The following SEC24D variants were observed in gnomAD, a reference collection of about 807,000 sequenced individuals.
The protein encoded by SEC24D is SEC24 homolog D, COPII component.
Under a neutral mutation model 116.9 loss-of-function variants are expected in SEC24D, and 69 were observed. That is an observed-to-expected ratio of 0.59 (90% confidence interval 0.49 to 0.72). SEC24D has a LOEUF of 0.72. SEC24D is among the 30% of genes least tolerant of loss of function. SEC24D has a pLI of 0.00. For synonymous variants in SEC24D, 405 were observed against 442.8 expected (o/e 0.91, Z 1.07); for missense variants, 1,131 against 1,264.1 (o/e 0.89, Z 1.60).
In SEC24D at chr4:118,780,033, T is replaced by C. The variant is rs189726523; in HGVS notation, c.1042-11722A>G. Reference sequence around the variant, plus strand: ...TCTTGCTAGCGGTCTATCAATTTTGTTGATCTTTTCAAAAAACCAGCTCCT... The same window carrying C: ...TCTTGCTAGCGGTCTATCAATTTTGCTGATCTTTTCAAAAAACCAGCTCCT... On this transcript the variant is annotated intron_variant, in intron 8 of 22. Coordinates refer to ENST00000280551, the MANE Select transcript of SEC24D (RefSeq NM_014822.4). Among the ~76,000 whole-genome samples, 257 of 152,306 alleles carry C rather than the reference T, an allele frequency of 1.7e-3. 1 individual carries two copies. The highest frequency in any genetic ancestry group is 1.8e-3 in the African/African-American group (75 of 41,574).
At chr4:118,745,146 C>G (rs1324939919) in intron 13 of SEC24D, 86 bp from the exon 14 acceptor site, 1 of 763,756 alleles carries the variant, frequency 1.3e-6, no homozygotes, top group Admixed American at 2.3e-5. Flanking sequence ...AATATAAGTT[C>G]TTTCTATGAG....
At chr4:118,790,230 T>A (rs1363625450) in intron 8 of SEC24D, among the ~76,000 whole-genome samples, 2 of 152,234 alleles carry the variant, frequency 1.3e-5, no homozygotes, top group Admixed American at 6.5e-5. Flanking sequence ...TATCCATTTA[T>A]AACTGAAAAA....
intron 8 of SEC24D, among the ~76,000 whole-genome samples, chr4:118,774,047 CTATATT>C (rs1453798297): frequency 4.6e-5 from 7 of 151,768 alleles, no homozygotes; most frequent in Non-Finnish European, 7.4e-5. Flanking sequence ...AGTTCTAAGA[CTATATT>C]TATATTTTTA....
At chr4:118,753,269 A>G (rs937476877) in intron 11 of SEC24D, among the ~76,000 whole-genome samples, 3 of 152,170 alleles carry the variant, frequency 2.0e-5, no homozygotes, top group Non-Finnish European at 4.4e-5. Context: ...TCAGAAGAAC[A>G]AATGGAATAT....
At chr4:118,750,546 A>C (rs548149417) in intron 13 of SEC24D, among the ~76,000 whole-genome samples, 1 of 152,344 alleles carries the variant, frequency 6.6e-6, no homozygotes, top group South Asian at 2.1e-4. Flanking sequence ...AAATCCATGA[A>C]TGTAATATTA....
intron 22 of SEC24D, among the ~76,000 whole-genome samples, chr4:118,726,717 C>G (rs1468351031): frequency 5.9e-5 from 9 of 152,142 alleles, no homozygotes; most frequent in Admixed American, 5.9e-4. Context: ...CAGGGCAGGA[C>G]TAGAATTTCT....
At position 118,723,662 on chromosome 4, in the gene SEC24D, A is replaced by G. The variant is rs1725260816; in HGVS notation, c.2959-7T>C. On this transcript the variant is annotated splice_polypyrimidine_tract_variant and splice_region_variant and intron_variant, in intron 22 of 22. Coordinates refer to ENST00000280551, the MANE Select transcript of SEC24D (RefSeq NM_014822.4). ...GCTGCTTTACAATTGTGAGCTAGGAAAAAAAAAACAAAACAGTAACAGCCC... is the reference window on the plus strand; with the variant it reads ...GCTGCTTTACAATTGTGAGCTAGGAGAAAAAAAACAAAACAGTAACAGCCC... The G allele has an allele frequency of 6.3e-7, 1 of 1,592,908 alleles. No individual in the cohort carries two copies. The highest frequency in any genetic ancestry group is 1.4e-5 in the African/African-American group (1 of 73,190).
At chr4:118,773,647 C>T (rs1053703430) in intron 8 of SEC24D, among the ~76,000 whole-genome samples, 2 of 152,212 alleles carry the variant, frequency 1.3e-5, no homozygotes, top group African/African-American at 2.4e-5. Context: ...AAATGTTAAA[C>T]ATTCAGACTA....
intron 2 of SEC24D, among the ~76,000 whole-genome samples, chr4:118,832,217 A>AGAGGTT (rs1730890807): frequency 1.3e-5 from 2 of 152,316 alleles, no homozygotes; most frequent in African/African-American, 4.8e-5. Context: ...CCTGGTCGAC[A>AGAGGTT]GAGGGAGACT....
intron 11 of SEC24D, 66 bp from the exon 12 acceptor site, chr4:118,752,954 G>C (rs1054491673): frequency 8.5e-7 from 1 of 1,183,298 alleles, no homozygotes; most frequent in African/African-American, 1.6e-5. Flanking sequence ...GTTTCTATCT[G>C]AAATTCAGTA....
chr4:118,795,205 A>C (rs575157192), intron 8 of SEC24D, among the ~76,000 whole-genome samples: 36 of 152,018 alleles, frequency 2.4e-4, no homozygotes, highest in African/African-American at 8.4e-4. Flanking sequence ...AGCACATAAA[A>C]ACTTTTTTTT....
rs201748006 is a variant in SEC24D at position 118,815,521 on chromosome 4, A to G, written c.603T>C (p.Pro201=). 1 of 1,614,106 alleles carries G rather than the reference A, an allele frequency of 6.2e-7. No homozygotes were observed. The highest frequency in any genetic ancestry group is 8.5e-7 in the Non-Finnish European group (1 of 1,179,992). The change falls in exon 5 of 23, where the codon CCT becomes CCC. Residue 201 remains proline, a synonymous_variant. Transcript: ENST00000280551. Reference sequence around the variant, plus strand: ...GTGGGGGCTGGTACTGGGCATTTGGAGGAGGAGGCCCAGAGAGCCCATCTG... The same window carrying G: ...GTGGGGGCTGGTACTGGGCATTTGGGGGAGGAGGCCCAGAGAGCCCATCTG... ...YRPDGLSGPP[P]PNAQYQPPPL...
intron 8 of SEC24D, among the ~76,000 whole-genome samples, chr4:118,779,289 T>C (rs1413035931): frequency 6.6e-6 from 1 of 152,176 alleles, no homozygotes. Context: ...CAATACCTAG[T>C]TTATTAAGAG....
intron 7 of SEC24D, 94 bp from the exon 8 acceptor site, chr4:118,797,904 A>G: frequency 1.1e-6 from 1 of 950,238 alleles, no homozygotes; most frequent in Non-Finnish European, 1.5e-6. Context: ...TAGATAATGC[A>G]TTGCATTATT....
At chr4:118,805,282 G>C (rs1273359195) in intron 7 of SEC24D, among the ~76,000 whole-genome samples, 2 of 152,140 alleles carry the variant, frequency 1.3e-5, no homozygotes, top group Non-Finnish European at 2.9e-5. Context: ...GGTATATTCA[G>C]AATCTCAGAC....
intron 8 of SEC24D, among the ~76,000 whole-genome samples, chr4:118,781,434 G>T (rs954351929): frequency 6.6e-6 from 1 of 152,194 alleles, no homozygotes; most frequent in Non-Finnish European, 1.5e-5. Flanking sequence ...CTTCTGGCTT[G>T]TAGAGTTTTT....
At chr4:118,778,569 A>C (rs910605600) in intron 8 of SEC24D, among the ~76,000 whole-genome samples, 51 of 152,226 alleles carry the variant, frequency 3.4e-4, no homozygotes, top group African/African-American at 1.2e-3. Context: ...CTTTTTGCTT[A>C]GGATTGCTTT....
intron 7 of SEC24D, 128 bp downstream of exon 7, chr4:118,805,715 G>C (rs2110513791): frequency 1.8e-6 from 1 of 558,834 alleles, no homozygotes; most frequent in Non-Finnish European, 3.1e-6. Context: ...GATTAACAGA[G>C]AACTGATTAT....
intron 21 of SEC24D, chr4:118,730,111 T>C (rs530522870): frequency 6.6e-6 from 1 of 152,228 alleles, no homozygotes; most frequent in Admixed American, 6.5e-5. Flanking sequence ...CACTGGCTAT[T>C]TCCTGTGGAT....
Sources: gnomAD v4.1 joint callset for allele counts (sites outside exome capture counted in the v4.1 genomes callset) on GRCh38, gnomAD v4.1.1 for gene constraint, MANE v1.5 for transcripts, NCBI Gene and HGNC (gene_info 2026-07-23, HGNC 2026-07-21) for gene names.